HIVEP2: variants seen among roughly 807,000 people sequenced by gnomAD.
The protein encoded by HIVEP2 is transcription factor HIVEP2.
HIVEP2 carries 14 observed loss-of-function variants against 180.7 expected under a neutral mutation model. The ratio of observed to expected loss-of-function variants is 0.08; its 90% CI spans 0.05 to 0.12. HIVEP2 has a LOEUF of 0.12. HIVEP2 is among the 10% of genes least tolerant of loss of function. HIVEP2 has a pLI of 1.00. For missense variants in HIVEP2, 2,579 were observed against 3,008.5 expected (o/e 0.86, Z 3.34); for synonymous variants, 1,184 against 1,136.4 (o/e 1.04, Z -0.84).
intron 1 of HIVEP2, among the ~76,000 whole-genome samples, chr6:142,922,939 CAT>C (rs1394822764): frequency 6.6e-6 from 1 of 152,124 alleles, no homozygotes; most frequent in Non-Finnish European, 1.5e-5. Context: ...AGAAAACAAA[CAT>C]GTTTTAATAT....
chr6:142,907,961 A>G (rs1222484170), intron 1 of HIVEP2, among the ~76,000 whole-genome samples: 1 of 152,208 alleles, frequency 6.6e-6, no homozygotes, highest in Non-Finnish European at 1.5e-5. Flanking sequence ...AATCTTCCTC[A>G]GCTCTCTCTT....
intron 2 of HIVEP2, among the ~76,000 whole-genome samples, chr6:142,827,528 A>G (rs542221529): frequency 6.6e-6 from 1 of 152,324 alleles, no homozygotes; most frequent in South Asian, 2.1e-4. Context: ...GTGTGCGCGC[A>G]CGCACGTGCA....
intron 2 of HIVEP2, among the ~76,000 whole-genome samples, chr6:142,818,166 C>T (rs1265405296): frequency 6.6e-6 from 1 of 152,152 alleles, no homozygotes; most frequent in African/African-American, 2.4e-5. Context: ...CAACTAAAGT[C>T]ACCTGCTAGA....
chr6:142,934,254 T>C (rs1193301788), intron 1 of HIVEP2, among the ~76,000 whole-genome samples: 3 of 152,230 alleles, frequency 2.0e-5, no homozygotes, highest in Non-Finnish European at 4.4e-5. Context: ...CCCTGCTGTA[T>C]TCCCAGGAGG....
At chr6:142,821,262 G>C (rs1777029847) in intron 2 of HIVEP2, among the ~76,000 whole-genome samples, 1 of 150,988 alleles carries the variant, frequency 6.6e-6, no homozygotes, top group South Asian at 2.1e-4. Flanking sequence ...TTCCTCCTAG[G>C]ACTACATTTA....
At position 142,772,769 on chromosome 6, in the gene HIVEP2, T is replaced by C. The variant is rs1775585001; in HGVS notation, c.1970A>G (p.Asn657Ser). ...ACTCAAGCAGGAAATGTCCCTGTAG[T>C]TTTGCTTTGGTGTTTCAGAGTCCTC... ...KWEDSETPKQ[N>S]YRDISCLSSL... The change falls in exon 5 of 10, where the codon AAC (asparagine) becomes AGC (serine). Residue 657 changes from asparagine to serine, a missense_variant. Physicochemically the swap from Asn to Ser is conservative, Grantham distance 46 (BLOSUM62 1). Coordinates refer to ENST00000367603, the MANE Select transcript of HIVEP2 (RefSeq NM_006734.4). The surrounding 1 kb of genome is among the most constrained non-coding windows in gnomAD (Gnocchi z 4.9). 2 of 1,614,078 alleles carry C rather than the reference T, an allele frequency of 1.2e-6. No individual in the cohort carries two copies. The highest frequency in any genetic ancestry group is 2.7e-5 in the African/African-American group (2 of 74,918).
At chr6:142,937,490 A>C (rs1778084305) in intron 1 of HIVEP2, among the ~76,000 whole-genome samples, 1 of 152,142 alleles carries the variant, frequency 6.6e-6, no homozygotes, top group African/African-American at 2.4e-5. Context: ...GAGGTTAAGT[A>C]ACATACCCAA....
chr6:142,851,472 T>C (rs1390202608), intron 1 of HIVEP2, among the ~76,000 whole-genome samples: 1 of 152,176 alleles, frequency 6.6e-6, no homozygotes, highest in Non-Finnish European at 1.5e-5. Flanking sequence ...TTTGAAACAA[T>C]CATCACAGAG....
chr6:142,760,634 T>C lies in HIVEP2; in HGVS notation c.5654A>G (p.Lys1885Arg), dbSNP rs1268076941. 1.9e-6 allele frequency: 3 copies of C among 1,611,912 alleles called. No individual in the cohort carries two copies. The highest frequency in any genetic ancestry group is 2.5e-6 in the Non-Finnish European group (3 of 1,178,896). ...AGTTGAAATGCTGGACATGCTATGC[T>C]TCTCTGCTGCTTTGTGCAAATCTTC... is the stretch of plus-strand genomic sequence containing the variant. ...NLEDLHKAAE[K>R]HSMSSISTDH... Residue 1885 changes from lysine (K) to arginine (R), a missense_variant, in exon 9 of 10, where the codon AAG becomes AGG. Physicochemically the swap from Lys to Arg is conservative, Grantham distance 26. Transcript: ENST00000367603.
chr6:142,784,016 T>C (rs182396184), intron 2 of HIVEP2, among the ~76,000 whole-genome samples: 90 of 152,340 alleles, frequency 5.9e-4, no homozygotes, highest in African/African-American at 2.1e-3. Context: ...TTTGTTTCTA[T>C]AGTTTATTTC....
chr6:142,766,957 G>A (rs1439076908), intron 6 of HIVEP2, among the ~76,000 whole-genome samples: 2 of 152,130 alleles, frequency 1.3e-5, no homozygotes, highest in Non-Finnish European at 2.9e-5. Flanking sequence ...GTCACCACTG[G>A]GCAGAAATTG....
At position 142,771,309 on chromosome 6, in the gene HIVEP2, G is replaced by C. The variant is rs757993303; in HGVS notation, c.3430C>G (p.Pro1144Ala). The C allele has an allele frequency of 1.2e-6, 2 of 1,613,414 alleles. No homozygotes were observed. The highest frequency in any genetic ancestry group is 2.2e-5 in the East Asian group (1 of 44,874). The change falls in exon 5 of 10, where the codon CCC becomes GCC. Residue 1144 changes from proline to alanine, a missense_variant. By Grantham distance (27) the Pro-to-Ala change is conservative. Transcript: ENST00000367603. The surrounding 1 kb of genome is among the most constrained non-coding windows in gnomAD (Gnocchi z 5.4). Reference protein sequence around the residue: ...DPGKQVAGPCPPLSSGPLHLA... With the variant: ...DPGKQVAGPCAPLSSGPLHLA... ...TGCAGTGGCCCCGAGCTCAGCGGGGGACAAGGACCCGCCACCTGCTTCCCT... is the reference window on the plus strand; with the variant it reads ...TGCAGTGGCCCCGAGCTCAGCGGGGCACAAGGACCCGCCACCTGCTTCCCT...
At chr6:142,813,480 T>C (rs540151781) in intron 2 of HIVEP2, among the ~76,000 whole-genome samples, 189 of 152,232 alleles carry the variant, frequency 1.2e-3, no homozygotes, top group African/African-American at 4.4e-3. Flanking sequence ...GCCCCTTCAT[T>C]GTAGTAAGAG....
intron 2 of HIVEP2, among the ~76,000 whole-genome samples, chr6:142,789,858 G>A (rs751882636): frequency 4.6e-5 from 7 of 151,942 alleles, no homozygotes; most frequent in Non-Finnish European, 2.9e-5. Flanking sequence ...AGTAGTTAAG[G>A]ATCAATGCTC....
chr6:142,785,882 T>C (rs1359552058), intron 2 of HIVEP2, among the ~76,000 whole-genome samples: 1 of 152,230 alleles, frequency 6.6e-6, no homozygotes, highest in Non-Finnish European at 1.5e-5. Context: ...CATGTTATAC[T>C]TATCCTTACC....
At chr6:142,876,838 C>T (rs198681) in intron 1 of HIVEP2, among the ~76,000 whole-genome samples, 22,953 of 148,472 alleles carry the variant, frequency 0.15, 3,268 homozygotes, top group African/African-American at 0.39. Context: ...GCCTGGGCAA[C>T]GTGGCCAAAT....
intron 6 of HIVEP2, among the ~76,000 whole-genome samples, chr6:142,767,010 G>A (rs915340392): frequency 6.6e-6 from 1 of 152,130 alleles, no homozygotes; most frequent in Admixed American, 6.6e-5. Flanking sequence ...CATAAAACGG[G>A]GCAATTAAAG....
intron 2 of HIVEP2, among the ~76,000 whole-genome samples, chr6:142,785,166 G>C (rs1278941326): frequency 6.6e-6 from 1 of 151,876 alleles, no homozygotes; most frequent in Non-Finnish European, 1.5e-5. Context: ...CGGGATTACA[G>C]GCGTGAGCCA....
chr6:142,774,574 G>T lies in HIVEP2; in HGVS notation c.165C>A (p.Ile55=). ...ACAGTTGTGCTGATGCTGTGTTTCC[G>T]ATTTGCTCAGGCTCTATTTGTGGTT... The part of the protein sequence containing the change: ...QRQPQIEPEQ[I]GNTASAQLFG... Residue 55 remains isoleucine (I), a synonymous_variant, in exon 5 of 10, where the codon ATC becomes ATA. Transcript: ENST00000367603. This position sits in a 1 kb window ranked among gnomAD's most constrained non-coding sequence, Gnocchi z 5.1. The T allele has an allele frequency of 6.2e-7, 1 of 1,614,176 alleles. No homozygotes were observed. Among genetic ancestry groups the T allele is most frequent in the South Asian group, 1.1e-5 (1 of 91,086 alleles).
Sources: allele counts gnomAD v4.1 joint callset (sites outside exome capture counted in the v4.1 genomes callset), GRCh38; gene constraint gnomAD v4.1.1; non-coding constraint Gnocchi (gnomAD v3.1); transcripts MANE v1.5; gene names NCBI Gene and HGNC (gene_info 2026-07-23, HGNC 2026-07-21).